The following PRIM2 variants were observed in gnomAD, a reference collection of about 807,000 sequenced individuals.
The protein encoded by PRIM2 is DNA primase subunit 2, also known as DNA primase large subunit.
Under a neutral mutation model 67.3 loss-of-function variants are expected in PRIM2, and 39 were observed. The observed-to-expected ratio is 0.58, with a 90% CI of 0.45 to 0.76. The LOEUF (loss-of-function observed/expected upper bound fraction) is 0.76, where lower values mean the gene tolerates loss of function less well. PRIM2 is among the 30% of genes least tolerant of loss of function. The pLI is 0.00. For missense variants in PRIM2, 398 were observed against 598.7 expected (o/e 0.66, Z 3.50); for synonymous variants, 143 against 198.7 (o/e 0.72, Z 2.36).
At chr6:57,329,130 GT>G (rs554242555) in intron 5 of PRIM2, among the ~76,000 whole-genome samples, 18 of 146,368 alleles carry the variant, frequency 1.2e-4, no homozygotes, top group South Asian at 4.4e-4. Context: ...CAACAAAAAG[GT>G]TTTTTTTTTT....
At chr6:57,636,883 T>C (rs1777132179) in intron 13 of PRIM2, among the ~76,000 whole-genome samples, 1 of 152,148 alleles carries the variant, frequency 6.6e-6, no homozygotes, top group African/African-American at 2.4e-5. Flanking sequence ...GAGCAGCAGA[T>C]CTCCCAGCCT....
At chr6:57,498,134 A>T (rs1554346534) in intron 7 of PRIM2, among the ~76,000 whole-genome samples, 1 of 152,148 alleles carries the variant, frequency 6.6e-6, no homozygotes, top group Non-Finnish European at 1.5e-5. Context: ...TTAAAGCTAT[A>T]TCTTTTTGTT....
At chr6:57,613,024 G>A (rs1776694248) in intron 12 of PRIM2, among the ~76,000 whole-genome samples, 1 of 151,908 alleles carries the variant, frequency 6.6e-6, no homozygotes, top group African/African-American at 2.4e-5. Context: ...TTGAACTCAT[G>A]GCTCAAGCAG....
intron 10 of PRIM2, among the ~76,000 whole-genome samples, chr6:57,589,828 G>C (rs1776255996): frequency 6.6e-6 from 1 of 152,102 alleles, no homozygotes; most frequent in Admixed American, 6.6e-5. Flanking sequence ...AGTTCCCATG[G>C]GAGAAGCAGG....
At chr6:57,260,930 G>A in the PRIM2 span, among the ~76,000 whole-genome samples, 4 of 152,170 alleles carry the variant, frequency 2.6e-5, no homozygotes, top group Admixed American at 2.6e-4. Flanking sequence ...GGGTATGAAG[G>A]GCAAGCCAGG....
chr6:57,587,843 C>G (rs1313945940), intron 10 of PRIM2, among the ~76,000 whole-genome samples: 1 of 151,986 alleles, frequency 6.6e-6, no homozygotes, highest in Non-Finnish European at 1.5e-5. Flanking sequence ...TCCCACTTGA[C>G]TTTTTAATAG....
intron 7 of PRIM2, among the ~76,000 whole-genome samples, chr6:57,484,037 G>A (rs1773688470): frequency 2.0e-5 from 3 of 152,036 alleles, no homozygotes; most frequent in African/African-American, 7.2e-5. Context: ...ATAGTACTAG[G>A]CCTTACTTCC....
chr6:57,447,810 A>G (rs369616327), intron 7 of PRIM2, among the ~76,000 whole-genome samples: 1,813 of 152,330 alleles, frequency 0.012, 22 homozygotes, highest in Middle Eastern at 0.048. Context: ...AATTAGGAAA[A>G]TCTTCTACTT....
chr6:57,353,008 T>C (rs1768906241), intron 5 of PRIM2, among the ~76,000 whole-genome samples: 1 of 152,020 alleles, frequency 6.6e-6, no homozygotes, highest in South Asian at 2.1e-4. Flanking sequence ...TGTATTTTAG[T>C]TCTATTGATA....
chr6:57,244,710 C>T, the PRIM2 span, among the ~76,000 whole-genome samples: 2 of 150,164 alleles, frequency 1.3e-5, no homozygotes, highest in African/African-American at 4.9e-5. Context: ...GAGGTGAGCC[C>T]AGCCTGGGTG....
At chr6:57,556,241 G>T (rs1248120771) in intron 10 of PRIM2, among the ~76,000 whole-genome samples, 9 of 152,292 alleles carry the variant, frequency 5.9e-5, no homozygotes, top group Middle Eastern at 3.4e-3. Flanking sequence ...TAGATTCAAT[G>T]CTATTCCTAT....
At chr6:57,461,172 C>T (rs11970424) in intron 7 of PRIM2, among the ~76,000 whole-genome samples, 4,902 of 152,204 alleles carry the variant, frequency 0.032, 239 homozygotes, top group African/African-American at 0.11. Context: ...AATGGGCAGT[C>T]GTCTGGGCAG....
chr6:57,397,451 A>C (rs1415852293), intron 7 of PRIM2, among the ~76,000 whole-genome samples: 1 of 152,070 alleles, frequency 6.6e-6, no homozygotes, highest in East Asian at 1.9e-4. Flanking sequence ...CTACTTGTTC[A>C]GTTCTATTTG....
chr6:57,253,249 AG>A, the PRIM2 span, among the ~76,000 whole-genome samples: 1 of 152,312 alleles, frequency 6.6e-6, no homozygotes, highest in Admixed American at 6.5e-5. Context: ...TTAGGGCTAA[AG>A]TGATCTGTGG....
intron 10 of PRIM2, among the ~76,000 whole-genome samples, chr6:57,581,282 G>C (rs1474527722): frequency 6.6e-6 from 1 of 152,040 alleles, no homozygotes; most frequent in African/African-American, 2.4e-5. Context: ...TGGTTTTCTG[G>C]TGATACTTGT....
rs1286246615 is a variant in PRIM2 at position 57,612,793 on chromosome 6, C to CTT, written c.1230+6351_1230+6352dup. Among the ~76,000 whole-genome samples, 1,191 of 131,120 alleles carry CTT rather than the reference C, an allele frequency of 9.1e-3. 23 individuals carry two copies. Among genetic ancestry groups the CTT allele is most frequent in the African/African-American group, 0.029 (1,028 of 35,198 alleles). The allele number at this position is 131,120 out of a possible 152,430, so 86.0% of individuals were successfully genotyped here. ...ATTTTTTTCTTTTTTTTCTTTTCGC[C>CTT]TTTTTTTTTTTTTTTTAAATAGACA... On this transcript the variant is annotated intron_variant, in intron 12 of 13. Coordinates refer to ENST00000615550, the MANE Select transcript of PRIM2 (RefSeq NM_000947.5).
rs1386666361 is a variant in PRIM2 at position 57,622,767 on chromosome 6, G to C, written c.1231-9366G>C. 4.6e-5 allele frequency among the ~76,000 whole-genome samples: 7 copies of C among 152,062 alleles called. No homozygotes were observed. In the South Asian group the frequency reaches 1.5e-3, roughly 32 times the overall value. On this transcript the variant is annotated intron_variant, in intron 12 of 13. Transcript: ENST00000615550. ...GCTCTTATTGCTTCTTGAGAGGTTG[G>C]TTAACCTCTGTTTTTCACAGTCAAA...
the PRIM2 span, among the ~76,000 whole-genome samples, chr6:57,238,320 ACTC>A: frequency 2.0e-5 from 3 of 152,180 alleles, no homozygotes; most frequent in Admixed American, 6.5e-5. Flanking sequence ...GAAGTAAAGC[ACTC>A]CTCAGCAAAT....
intron 7 of PRIM2, among the ~76,000 whole-genome samples, chr6:57,387,653 T>C (rs1476868065): frequency 6.6e-6 from 1 of 152,092 alleles, no homozygotes; most frequent in African/African-American, 2.4e-5. Context: ...AGGGGTGAAT[T>C]TGGAGCTACG....
Sources: gnomAD v4.1 joint callset for allele counts (sites outside exome capture counted in the v4.1 genomes callset) on GRCh38, gnomAD v4.1.1 for gene constraint, MANE v1.5 for transcripts, NCBI Gene and HGNC (gene_info 2026-07-23, HGNC 2026-07-21) for gene names.